Variants in CNTNAP5 observed in about 807,000 individuals in gnomAD.
CNTNAP5 encodes the protein contactin associated protein family member 5.
Under a neutral mutation model 150.2 loss-of-function variants are expected in CNTNAP5, and 72 were observed. The ratio of observed to expected loss-of-function variants is 0.48; its 90% CI spans 0.40 to 0.58. The LOEUF is 0.58. CNTNAP5 is among the 20% of genes least tolerant of loss of function. The pLI, the probability that CNTNAP5 is intolerant of heterozygous loss-of-function variation, is 0.00. For synonymous variants in CNTNAP5, 672 were observed against 619.8 expected (o/e 1.08, Z -1.25); for missense variants, 1,636 against 1,626.2 (o/e 1.01, Z -0.10).
intron 19 of CNTNAP5, among the ~76,000 whole-genome samples, chr2:124,828,528 T>G (rs1159331020): frequency 6.6e-6 from 1 of 151,750 alleles, no homozygotes. Flanking sequence ...TAAGGATGAA[T>G]GCACAGAATA....
At chr2:124,354,657 G>C (rs1689954304) in intron 3 of CNTNAP5, among the ~76,000 whole-genome samples, 1 of 152,168 alleles carries the variant, frequency 6.6e-6, no homozygotes, top group East Asian at 1.9e-4. Flanking sequence ...ATTTGAGCCA[G>C]TTCTCAGTTT....
chr2:124,517,721 G>A (rs867025921), intron 8 of CNTNAP5, among the ~76,000 whole-genome samples: 7 of 142,920 alleles, frequency 4.9e-5, no homozygotes, highest in South Asian at 2.4e-4. Flanking sequence ...TGGGGGTTGT[G>A]GTGTTGGTGA....
At chr2:124,246,709 T>A (rs1687037918) in intron 3 of CNTNAP5, among the ~76,000 whole-genome samples, 1 of 152,134 alleles carries the variant, frequency 6.6e-6, no homozygotes, top group Non-Finnish European at 1.5e-5. Context: ...TTGAGCCCTT[T>A]CCTTCATGAG....
chr2:124,308,347 T>C (rs1190050020), intron 3 of CNTNAP5, among the ~76,000 whole-genome samples: 5 of 152,196 alleles, frequency 3.3e-5, no homozygotes, highest in Non-Finnish European at 7.3e-5. Flanking sequence ...TCTAACATGA[T>C]TCTTTATTAC....
At position 124,216,728 on chromosome 2, in the gene CNTNAP5, T is replaced by C. The variant is rs1042453794; in HGVS notation, c.83-4977T>C. 6.6e-5 allele frequency among the ~76,000 whole-genome samples: 10 copies of C among 152,328 alleles called. No individual in the cohort carries two copies. In the East Asian group the frequency reaches 1.9e-3, roughly 29 times the overall value. ...TACAAAGGACATGAACTCATCATTT[T>C]TTATGGCTGCATAGTATTCCATGGT... On this transcript the variant is annotated intron_variant, in intron 1 of 23. Coordinates refer to ENST00000682447, the MANE Select transcript of CNTNAP5 (RefSeq NM_001367498.1).
At chr2:124,223,733 A>G (rs1248512826) in intron 2 of CNTNAP5, among the ~76,000 whole-genome samples, 2 of 151,742 alleles carry the variant, frequency 1.3e-5, no homozygotes, top group East Asian at 3.9e-4. Context: ...CTTTGCTCCA[A>G]CTTATTATAA....
At chr2:124,342,090 T>G (rs1344721449) in intron 3 of CNTNAP5, among the ~76,000 whole-genome samples, 1 of 152,154 alleles carries the variant, frequency 6.6e-6, no homozygotes, top group African/African-American at 2.4e-5. Flanking sequence ...AAAATGGGTA[T>G]ATTATAGTTT....
chr2:124,560,760 C>T (rs1290047962), intron 10 of CNTNAP5, among the ~76,000 whole-genome samples: 1 of 152,148 alleles, frequency 6.6e-6, no homozygotes, highest in Non-Finnish European at 1.5e-5. Context: ...GTCTCAAGGA[C>T]AGCAGGGACC....
chr2:124,541,179 A>ATTTTTTTTTTTTTTTTTTTTTTTT (rs3980963), intron 10 of CNTNAP5, among the ~76,000 whole-genome samples: 1,090 of 82,814 alleles, frequency 0.013, 158 homozygotes, highest in Non-Finnish European at 0.019. Context: ...CAAAATTCCG[A>ATTTTTTTTTTTTTTTTTTTTTTTT]TTTTTTTTTT....
intron 13 of CNTNAP5, among the ~76,000 whole-genome samples, chr2:124,691,475 C>A (rs1679299175): frequency 6.6e-6 from 1 of 152,188 alleles, no homozygotes; most frequent in South Asian, 2.1e-4. Flanking sequence ...AGGAGATGGT[C>A]ACAGGACAAT....
chr2:124,843,077 C>T (rs1387962279), intron 19 of CNTNAP5, among the ~76,000 whole-genome samples: 1 of 151,980 alleles, frequency 6.6e-6, no homozygotes, highest in African/African-American at 2.4e-5. Flanking sequence ...TCCTGAGTCC[C>T]CAAAGTCCAT....
chr2:124,175,976 G>T (rs1353008428), intron 1 of CNTNAP5, among the ~76,000 whole-genome samples: 1 of 152,144 alleles, frequency 6.6e-6, no homozygotes, highest in African/African-American at 2.4e-5. Flanking sequence ...GGATTACTGG[G>T]TCATGTGTGA....
intron 3 of CNTNAP5, among the ~76,000 whole-genome samples, chr2:124,371,269 C>T (rs1269023462): frequency 2.0e-5 from 3 of 152,034 alleles, no homozygotes; most frequent in Admixed American, 6.6e-5. Context: ...TAATGTGTCC[C>T]GAACCTCATT....
At chr2:124,730,915 C>A (rs1456000137) in intron 13 of CNTNAP5, among the ~76,000 whole-genome samples, 1 of 152,020 alleles carries the variant, frequency 6.6e-6, no homozygotes. Flanking sequence ...GCATGAAATC[C>A]TATTTTTATT....
At chr2:124,838,599 T>C (rs977359371) in intron 19 of CNTNAP5, among the ~76,000 whole-genome samples, 2 of 152,200 alleles carry the variant, frequency 1.3e-5, no homozygotes, top group African/African-American at 4.8e-5. Context: ...TCTTATCTCA[T>C]GCAGCTGGCT....
intron 10 of CNTNAP5, among the ~76,000 whole-genome samples, chr2:124,546,468 A>C (rs750616246): frequency 6.6e-6 from 1 of 152,098 alleles, no homozygotes; most frequent in Non-Finnish European, 1.5e-5. Context: ...GTATATGACT[A>C]TGAAGCCCTT....
intron 14 of CNTNAP5, 119 bp from the exon 15 acceptor site, chr2:124,763,553 C>G (rs1173597043): frequency 5.8e-6 from 5 of 861,284 alleles, no homozygotes; most frequent in East Asian, 2.7e-5. Flanking sequence ...TGTTTTCCCC[C>G]TCTCTGCCCC....
At chr2:124,444,611 C>G (rs1692764880) in intron 5 of CNTNAP5, among the ~76,000 whole-genome samples, 1 of 151,958 alleles carries the variant, frequency 6.6e-6, no homozygotes, top group African/African-American at 2.4e-5. Context: ...AACAAACAAA[C>G]AAACAAACAA....
At chr2:124,589,383 T>C (rs4848943) in intron 11 of CNTNAP5, among the ~76,000 whole-genome samples, 60,055 of 152,146 alleles carry the variant, frequency 0.39, 12,679 homozygotes, top group South Asian at 0.59. Context: ...TGCCTAGTAA[T>C]ATTTCATGGT....
Sources: gnomAD v4.1 joint callset for allele counts (sites outside exome capture counted in the v4.1 genomes callset) on GRCh38, gnomAD v4.1.1 for gene constraint, MANE v1.5 for transcripts, NCBI Gene and HGNC (gene_info 2026-07-23, HGNC 2026-07-21) for gene names.